Variants in DNAJC6 observed in about 807,000 individuals in gnomAD.
The protein encoded by DNAJC6 is DnaJ heat shock protein family (Hsp40) member C6, also known as auxilin.
Under a neutral mutation model 110.0 loss-of-function variants are expected in DNAJC6, and 34 were observed. The ratio of observed to expected loss-of-function variants is 0.31; its 90% CI spans 0.24 to 0.41. The LOEUF is 0.41. Among genes scored for constraint, DNAJC6 ranks in the 10% least tolerant of loss-of-function variants. The pLI, the probability that DNAJC6 is intolerant of heterozygous loss-of-function variation, is 1.00. For synonymous variants in DNAJC6, 406 were observed against 437.2 expected, an observed-to-expected ratio of 0.93 and a Z score of 0.89; for missense variants, 1,031 against 1,207.8, an observed-to-expected ratio of 0.85 and a Z score of 2.17.
chr1:65,392,860 G>A lies in DNAJC6; in HGVS notation c.1898G>A (p.Gly633Glu), dbSNP rs1164860982. 6.6e-7 allele frequency: 1 copy of A among 1,510,818 alleles called. No homozygotes were observed. The highest frequency in any genetic ancestry group is 8.8e-7 in the Non-Finnish European group (1 of 1,130,794). The allele number at this position is 1,510,818 out of a possible 1,614,324, so 93.6% of individuals were successfully genotyped here. A position where few individuals can be genotyped will look rare whatever the true frequency, so the allele number is the denominator to read the frequency against. ...TCTGCGTCTCCAACCCTAAGAGTGG[G>A]AGAAGGTAATTTTTTCTATGTTGCA... ...STSASPTLRV[G>E]EGATFDPFGA... Residue 633 changes from glycine to glutamate, a missense_variant, in exon 12 of 19, where the codon GGA becomes GAA. Physicochemically the swap from Gly to Glu is moderately conservative, Grantham distance 98. Coordinates refer to ENST00000371069, the MANE Select transcript of DNAJC6 (RefSeq NM_001256864.2).
At chr1:65,364,594 A>G (rs1177999792) in intron 1 of DNAJC6, 41 bp from the exon 2 acceptor site, 1 of 1,576,046 alleles carries the variant, frequency 6.3e-7, no homozygotes, top group Non-Finnish European at 8.5e-7. Flanking sequence ...ATTCTCTGCC[A>G]TCACCATTTT....
intron 1 of DNAJC6, among the ~76,000 whole-genome samples, chr1:65,355,362 G>C (rs1028940522): frequency 6.6e-6 from 1 of 152,070 alleles, no homozygotes; most frequent in Non-Finnish European, 1.5e-5. Context: ...CCTTGTAAGA[G>C]CTGTGATGGT....
intron 1 of DNAJC6, among the ~76,000 whole-genome samples, chr1:65,289,064 G>A (rs894355029): frequency 1.3e-5 from 2 of 152,152 alleles, no homozygotes; most frequent in Non-Finnish European, 2.9e-5. Flanking sequence ...CATGGTATGT[G>A]CATATTGAGC....
chr1:65,265,563 A>C (rs1213555119), intron 1 of DNAJC6, among the ~76,000 whole-genome samples: 1 of 152,200 alleles, frequency 6.6e-6, no homozygotes, highest in Non-Finnish European at 1.5e-5. Context: ...GAAGAGAGAA[A>C]CGAATTTAAA....
Position 65,336,238 on chromosome 1 carries a change from G to A in DNAJC6, c.193+26300G>A, listed in dbSNP as rs936122325. The stretch of plus-strand genomic sequence containing the variant: ...AGCAAGGAGAAGTGCCAAGCAAAAG[G>A]AGGAAAAGTCCCCTATGAAACTATT... On this transcript the variant is annotated intron_variant, in intron 1 of 18. Transcript: ENST00000371069. Among the ~76,000 whole-genome samples the A allele has an allele frequency of 3.9e-5, 6 of 152,072 alleles. No individual in the cohort carries two copies. The East Asian group carries it at 1.2e-3, about 29-fold the overall frequency.
At chr1:65,305,390 T>C (rs1016292793), upstream of DNAJC6, among the ~76,000 whole-genome samples, 26 of 152,202 alleles carry the variant, frequency 1.7e-4, no homozygotes, top group African/African-American at 5.8e-4. Flanking sequence ...CACACACTCA[T>C]ACATATCACA....
In DNAJC6 at chr1:65,392,463, G is replaced by A. The variant is rs1437187515; in HGVS notation, c.1501G>A (p.Asp501Asn). Residue 501 changes from aspartate (D) to asparagine (N), a missense_variant, in exon 12 of 19, where the codon GAC becomes AAC. By Grantham distance (23) the Asp-to-Asn change is conservative. Coordinates refer to ENST00000371069, the MANE Select transcript of DNAJC6 (RefSeq NM_001256864.2). Reference protein sequence around the residue: ...QKSEKSFCEEDHAALVNQESE... With the variant: ...QKSEKSFCEENHAALVNQESE... ...ATCGGAGAAGTCATTCTGTGAGGAG[G>A]ACCACGCTGCCCTAGTGAATCAGGA... 1.2e-6 allele frequency: 2 copies of A among 1,609,658 alleles called. No homozygotes were observed. Among genetic ancestry groups the A allele is most frequent in the Non-Finnish European group, 1.7e-6 (2 of 1,177,616 alleles).
intron 1 of DNAJC6, among the ~76,000 whole-genome samples, chr1:65,358,045 G>A (rs1483065376): frequency 6.6e-6 from 1 of 151,918 alleles, no homozygotes; most frequent in East Asian, 1.9e-4. Flanking sequence ...TGGGCATGGT[G>A]GCGGGCACCT....
chr1:65,345,664 A>C (rs1304589176), intron 1 of DNAJC6: 1 of 927,148 alleles, frequency 1.1e-6, no homozygotes, highest in Non-Finnish European at 1.2e-6. Flanking sequence ...GTGGAGAGTC[A>C]ATTTTTGAGT....
intron 1 of DNAJC6, among the ~76,000 whole-genome samples, chr1:65,312,381 G>C (rs1314384412): frequency 6.6e-6 from 1 of 152,192 alleles, no homozygotes; most frequent in Non-Finnish European, 1.5e-5. Flanking sequence ...TATATGTCTT[G>C]CCTAATTATA....
At chr1:65,363,758 A>T (rs1645619871) in intron 1 of DNAJC6, among the ~76,000 whole-genome samples, 1 of 152,188 alleles carries the variant, frequency 6.6e-6, no homozygotes. Flanking sequence ...ACAATAAAGA[A>T]GTATTTAGCC....
intron 13 of DNAJC6, among the ~76,000 whole-genome samples, chr1:65,398,038 A>G (rs768834076): frequency 2.9e-4 from 44 of 152,206 alleles, no homozygotes; most frequent in Non-Finnish European, 5.3e-4. Context: ...GAAATTCTTC[A>G]TCATGGCATC....
At chr1:65,370,857 A>G (rs1645698582) in intron 4 of DNAJC6, among the ~76,000 whole-genome samples, 1 of 152,154 alleles carries the variant, frequency 6.6e-6, no homozygotes, top group South Asian at 2.1e-4. Context: ...CTTCCTGAGC[A>G]CACCAAAGAG....
At chr1:65,361,292 A>G (rs970799573) in intron 1 of DNAJC6, among the ~76,000 whole-genome samples, 1 of 152,210 alleles carries the variant, frequency 6.6e-6, no homozygotes, top group African/African-American at 2.4e-5. Context: ...CCATATGTCC[A>G]TTCATTGTTT....
intron 15 of DNAJC6, among the ~76,000 whole-genome samples, chr1:65,403,613 G>C (rs1324028054): frequency 2.4e-4 from 36 of 152,192 alleles, no homozygotes; most frequent in Non-Finnish European, 4.4e-5. Flanking sequence ...GGCTACACAA[G>C]ATGGAGCATT....
chr1:65,273,719 AT>A (rs978046725), intron 1 of DNAJC6, among the ~76,000 whole-genome samples: 2 of 151,934 alleles, frequency 1.3e-5, no homozygotes, highest in Admixed American at 6.5e-5. Context: ...TTTCTTTTTG[AT>A]TTTTTTGACC....
chr1:65,311,864 A>C (rs923223558), intron 1 of DNAJC6, among the ~76,000 whole-genome samples: 1 of 152,202 alleles, frequency 6.6e-6, no homozygotes. Flanking sequence ...TAAGTTCAAC[A>C]TACATTTTCT....
At chr1:65,408,879 T>G (rs1316569714) in intron 17 of DNAJC6, 96 bp downstream of exon 17, 1 of 1,401,650 alleles carries the variant, frequency 7.1e-7, no homozygotes, top group Non-Finnish European at 9.5e-7. Context: ...AGTAACCTAT[T>G]GTCTTAGCCC....
intron 4 of DNAJC6, among the ~76,000 whole-genome samples, chr1:65,371,001 G>T (rs1047038285): frequency 6.6e-6 from 1 of 152,166 alleles, no homozygotes; most frequent in African/African-American, 2.4e-5. Context: ...AGAAATAACT[G>T]GAGTGAAAAA....
Sources: allele counts gnomAD v4.1 joint callset (sites outside exome capture counted in the v4.1 genomes callset), GRCh38; gene constraint gnomAD v4.1.1; transcripts MANE v1.5; gene names NCBI Gene and HGNC (gene_info 2026-07-23, HGNC 2026-07-21).